ZBTB34: variants seen among roughly 807,000 people sequenced by gnomAD.
ZBTB34 encodes the protein zinc finger and BTB domain-containing protein 34.
Under a neutral mutation model 33.4 loss-of-function variants are expected in ZBTB34, and 1 was observed. That is an observed-to-expected ratio of 0.03 (90% CI 0.01 to 0.14). The LOEUF (loss-of-function observed/expected upper bound fraction) is 0.14, where lower values mean the gene tolerates loss of function less well. ZBTB34 is among the 10% of genes least tolerant of loss of function. The pLI is 1.00. For missense variants in ZBTB34, 406 were observed against 657.2 expected (o/e 0.62, Z 4.18); for synonymous variants, 283 against 253.5 (o/e 1.12, Z -1.11).
intron 1 of ZBTB34, among the ~76,000 whole-genome samples, chr9:126,873,403 A>G (rs925652967): frequency 3.3e-4 from 50 of 151,950 alleles, no homozygotes; most frequent in African/African-American, 9.2e-4. Flanking sequence ...ACCTGGGACT[A>G]CAGGCGCCCA....
chr9:126,861,871 C>T lies in ZBTB34; in HGVS notation c.-11+1132C>T, dbSNP rs150419930. ...CTCCAGAGGTTCCCCCCTCCCCCAT[C>T]CTTCCTTTATGCTAAAGCCAAACTT... On this transcript the variant is annotated intron_variant, in intron 1 of 1. Coordinates refer to ENST00000319119, the Ensembl canonical transcript of ZBTB34. 3.2e-3 allele frequency among the ~76,000 whole-genome samples: 486 copies of T among 152,294 alleles called. 2 individuals are homozygous for T. The highest frequency in any genetic ancestry group is 0.011 in the African/African-American group (461 of 41,558).
chr9:126,874,073 T>G (rs1220103388), intron 1 of ZBTB34, among the ~76,000 whole-genome samples: 10 of 137,976 alleles, frequency 7.2e-5, no homozygotes, highest in African/African-American at 1.9e-4. Context: ...AGACAGAGTC[T>G]TGCTGTCTCC....
intron 1 of ZBTB34, among the ~76,000 whole-genome samples, chr9:126,870,411 A>G (rs1169874050): frequency 6.6e-6 from 1 of 152,234 alleles, no homozygotes; most frequent in East Asian, 1.9e-4. Context: ...CTATAAATGT[A>G]GGAAAAATAA....
chr9:126,880,733 G>A lies in ZBTB34; in HGVS notation c.1334G>A (p.Gly445Asp). 6.2e-7 allele frequency: 1 copy of A among 1,613,666 alleles called. No homozygotes were observed. Among genetic ancestry groups the A allele is most frequent in the Non-Finnish European group, 8.5e-7 (1 of 1,179,882 alleles). ...TGCGGGAAGTGCTTTCCATTCCAAG[G>A]TACCCTCAACCAGCACTTGCGGAAA... Residue 445 changes from glycine (G) to aspartate (D), a missense_variant, in exon 2 of 2, where the codon GGT becomes GAT. Gly to Asp is a moderately conservative substitution (Grantham distance 94). Coordinates refer to ENST00000319119, the Ensembl canonical transcript of ZBTB34. This position sits in a 1 kb window ranked among gnomAD's most constrained non-coding sequence, Gnocchi z 6.7.
At chr9:126,871,435 T>G (rs2033278273) in intron 1 of ZBTB34, among the ~76,000 whole-genome samples, 2 of 150,664 alleles carry the variant, frequency 1.3e-5, no homozygotes, top group East Asian at 3.9e-4. Flanking sequence ...CGATCTCGGC[T>G]CACTGCAACC....
intron 1 of ZBTB34, among the ~76,000 whole-genome samples, chr9:126,876,026 A>G (rs1256984293): frequency 6.6e-6 from 1 of 151,440 alleles, no homozygotes; most frequent in African/African-American, 2.4e-5. Context: ...GACTTTTCTG[A>G]TGGGATATTA....
At chr9:126,869,614 A>G (rs933403643) in intron 1 of ZBTB34, among the ~76,000 whole-genome samples, 3 of 152,014 alleles carry the variant, frequency 2.0e-5, no homozygotes. Flanking sequence ...TGGAAGTAGG[A>G]GAATGTCGGT....
At chr9:126,882,793 G>A (rs1406506257) in exon 2 of ZBTB34, 2 of 167,018 alleles carry the variant, frequency 1.2e-5, no homozygotes, top group Non-Finnish European at 2.9e-5. Context: ...ATTTGTTTTT[G>A]TTTTTGTTTT....
At chr9:126,884,592 C>G (rs374613799) in exon 2 of ZBTB34, 5 of 166,882 alleles carry the variant, frequency 3.0e-5, no homozygotes, top group African/African-American at 1.2e-4. Flanking sequence ...GAGTAAATGT[C>G]TTTTCTAATG....
In ZBTB34 at chr9:126,880,378, A is replaced by G. The variant is rs762069883; in HGVS notation, c.979A>G (p.Lys327Glu). The G allele has an allele frequency of 1.9e-6, 3 of 1,613,752 alleles. No individual in the cohort carries two copies. Among genetic ancestry groups the G allele is most frequent in the Non-Finnish European group, 2.5e-6 (3 of 1,179,826 alleles). Residue 327 changes from lysine to glutamate, a missense_variant, in exon 2 of 2, where the codon AAG (lysine) becomes GAG (glutamate). Around this residue, in one of 6 missense-constraint regions of ZBTB34, gnomAD observed 123 missense variants for 140.4 expected, o/e 0.88. Transcript: ENST00000319119. This position sits in a 1 kb window ranked among gnomAD's most constrained non-coding sequence, Gnocchi z 6.7. ...TTTCCGAGGAGGGCGTGCCCGCCAG[A>G]AGCGGGCTTTGTCTGTCCACCTGCA...
exon 2 of ZBTB34, chr9:126,884,824 C>T (rs1442022266): frequency 6.0e-6 from 1 of 167,004 alleles, no homozygotes; most frequent in Non-Finnish European, 1.5e-5. Flanking sequence ...CTCTTAGTTA[C>T]TGTGATTTTT....
intron 1 of ZBTB34, among the ~76,000 whole-genome samples, chr9:126,871,290 T>C (rs550409842): frequency 6.6e-6 from 1 of 151,862 alleles, no homozygotes; most frequent in East Asian, 1.9e-4. Context: ...CGTTGTGATA[T>C]AGCCATCCAT....
intron 1 of ZBTB34, among the ~76,000 whole-genome samples, chr9:126,873,959 C>T (rs1481212552): frequency 6.7e-6 from 1 of 149,214 alleles, no homozygotes; most frequent in Non-Finnish European, 1.5e-5. Context: ...TTAAAAGCCT[C>T]TGTTCATACA....
rs147413353 is a variant in ZBTB34, at chr9:126,879,606, C to T, written c.207C>T (p.Thr69=). ...TCCGGGACCATTCAGCGTTAAGTAC[C>T]ATGAGTGGCTTGTCAATATCAGTGA... The change falls in exon 2 of 2, where the codon ACC becomes ACT. Residue 69 remains threonine, a synonymous_variant. Transcript: ENST00000319119. The surrounding 1 kb of genome is among the most constrained non-coding windows in gnomAD (Gnocchi z 6.4). 3.3e-4 allele frequency: 530 copies of T among 1,613,902 alleles called. No homozygotes were observed. The highest frequency in any genetic ancestry group is 2.6e-3 in the Middle Eastern group (16 of 6,062).
intron 1 of ZBTB34, among the ~76,000 whole-genome samples, chr9:126,871,424 G>A (rs904100166): frequency 2.0e-4 from 30 of 148,576 alleles, no homozygotes; most frequent in African/African-American, 7.0e-4. Flanking sequence ...GTGCAGTGGC[G>A]CGATCTCGGC....
At chr9:126,872,959 A>T (rs571607838) in intron 1 of ZBTB34, among the ~76,000 whole-genome samples, 1 of 152,146 alleles carries the variant, frequency 6.6e-6, no homozygotes. Context: ...TTCTTCTGAG[A>T]AGTAGTTAAG....
At chr9:126,881,272 T>G (rs2033437292) in exon 2 of ZBTB34, 1 of 189,090 alleles carries the variant, frequency 5.3e-6, no homozygotes, top group Non-Finnish European at 1.2e-5. Context: ...AGCAGTGCAC[T>G]TCCACGGAGG....
At chr9:126,866,129 T>C (rs1298565930) in intron 1 of ZBTB34, among the ~76,000 whole-genome samples, 1 of 152,120 alleles carries the variant, frequency 6.6e-6, no homozygotes, top group Admixed American at 6.6e-5. Context: ...CTCTCTTTTT[T>C]TTTTCCCTCC....
chr9:126,878,556 T>C (rs1361552796), intron 1 of ZBTB34, among the ~76,000 whole-genome samples: 1 of 150,648 alleles, frequency 6.6e-6, no homozygotes, highest in African/African-American at 2.4e-5. Context: ...CCAAAAGAGA[T>C]ATAAAGGTGT....
Sources: allele counts gnomAD v4.1 joint callset (sites outside exome capture counted in the v4.1 genomes callset), GRCh38; gene constraint gnomAD v4.1.1; regional missense constraint gnomAD v4.1.1; non-coding constraint Gnocchi (gnomAD v3.1); transcripts MANE v1.5; gene names NCBI Gene and HGNC (gene_info 2026-07-23, HGNC 2026-07-21).